The following CHRM3 variants were observed in gnomAD, a reference collection of about 807,000 sequenced individuals.
The protein encoded by CHRM3 is cholinergic receptor muscarinic 3, also known as muscarinic acetylcholine receptor M3.
A neutral mutation model predicts 41.8 loss-of-function variants in CHRM3; 11 were observed. The observed-to-expected ratio is 0.26, with a 90% CI of 0.17 to 0.44. CHRM3 has a LOEUF of 0.44. Ranked by LOEUF, CHRM3 falls within the 20% of genes least tolerant of loss-of-function variation. CHRM3 has a pLI of 1.00. For missense variants in CHRM3, 571 were observed against 745.4 expected (o/e 0.77, Z 2.72); for synonymous variants, 297 against 301.4 (o/e 0.99, Z 0.15).
At chr1:239,697,709 A>C (rs1660327229) in intron 5 of CHRM3, among the ~76,000 whole-genome samples, 1 of 152,148 alleles carries the variant, frequency 6.6e-6, no homozygotes, top group Non-Finnish European at 1.5e-5. Flanking sequence ...GAATTGCTCC[A>C]CTACTCCAAA....
At chr1:239,869,188 G>A (rs1437559508) in intron 6 of CHRM3, among the ~76,000 whole-genome samples, 3 of 152,108 alleles carry the variant, frequency 2.0e-5, no homozygotes, top group Non-Finnish European at 4.4e-5. Context: ...AAGGTGGGGA[G>A]CGCACCTGGG....
At chr1:239,439,996 G>A (rs992396355) in intron 1 of CHRM3, among the ~76,000 whole-genome samples, 3 of 151,214 alleles carry the variant, frequency 2.0e-5, no homozygotes, top group African/African-American at 7.3e-5. Context: ...TTAGGAGTTC[G>A]AGACTAGCCT....
chr1:239,728,970 C>G (rs544740762), intron 5 of CHRM3, among the ~76,000 whole-genome samples: 168 of 151,922 alleles, frequency 1.1e-3, no homozygotes, highest in African/African-American at 3.6e-3. Flanking sequence ...TTTTCCAGAC[C>G]CTTTCAGGGA....
intron 4 of CHRM3, among the ~76,000 whole-genome samples, chr1:239,638,867 G>T (rs1330186504): frequency 1.3e-5 from 2 of 152,098 alleles, no homozygotes; most frequent in African/African-American, 2.4e-5. Context: ...GTAATGCCTA[G>T]GTTTTCTTCT....
chr1:239,814,054 A>G (rs1012089683), intron 5 of CHRM3, among the ~76,000 whole-genome samples: 1 of 87,322 alleles, frequency 1.1e-5, no homozygotes, highest in African/African-American at 5.8e-5. Flanking sequence ...AAATAAATAA[A>G]TACATAAACT....
At chr1:239,505,770 A>G (rs1668525543) in intron 2 of CHRM3, among the ~76,000 whole-genome samples, 1 of 152,226 alleles carries the variant, frequency 6.6e-6, no homozygotes, top group South Asian at 2.1e-4. Context: ...AGAAGAAGAC[A>G]GGAAATTGTG....
At chr1:239,623,343 A>G (rs1173534219) in intron 3 of CHRM3, among the ~76,000 whole-genome samples, 3 of 144,098 alleles carry the variant, frequency 2.1e-5, no homozygotes. Flanking sequence ...GTTCCCACCT[A>G]TGAGTAAGAA....
In CHRM3 at chr1:239,669,894, T is replaced by A. The variant is rs114090377; in HGVS notation, c.-249-8292T>A. On this transcript the variant is annotated intron_variant, in intron 4 of 6. Coordinates refer to ENST00000676153, the MANE Select transcript of CHRM3 (RefSeq NM_001375978.1). ...AATATATGGCCATGGCCAACTCGTT[T>A]CTTTTACATGGCCCTCCTTTCCCAC... Among the ~76,000 whole-genome samples the A allele has an allele frequency of 4.1e-3, 620 of 152,346 alleles. 4 individuals are homozygous for A. The highest frequency in any genetic ancestry group is 0.014 in the African/African-American group (600 of 41,588).
chr1:239,685,935 A>G (rs1451679850), intron 5 of CHRM3, among the ~76,000 whole-genome samples: 2 of 152,098 alleles, frequency 1.3e-5, no homozygotes, highest in African/African-American at 2.4e-5. Context: ...TCTCAACTGA[A>G]TGATGGGCAA....
intron 2 of CHRM3, among the ~76,000 whole-genome samples, chr1:239,500,922 A>C (rs1668201347): frequency 6.6e-6 from 1 of 152,202 alleles, no homozygotes; most frequent in African/African-American, 2.4e-5. Context: ...TTAAAGTAAA[A>C]GGGTGCAAAA....
chr1:239,710,926 C>T (rs1309666743), intron 5 of CHRM3, among the ~76,000 whole-genome samples: 1 of 151,880 alleles, frequency 6.6e-6, no homozygotes, highest in African/African-American at 2.4e-5. Context: ...TCTTTCCCAG[C>T]TTCGTTTGGC....
intron 2 of CHRM3, among the ~76,000 whole-genome samples, chr1:239,493,731 C>T (rs1667702680): frequency 6.6e-6 from 1 of 152,138 alleles, no homozygotes; most frequent in South Asian, 2.1e-4. Context: ...TACTGATGCT[C>T]AGTTGAAGGC....
At chr1:239,460,319 C>T (rs1665262275) in intron 1 of CHRM3, among the ~76,000 whole-genome samples, 1 of 151,868 alleles carries the variant, frequency 6.6e-6, no homozygotes, top group African/African-American at 2.4e-5. Flanking sequence ...TTTTTTCCCC[C>T]ATCATAATTT....
chr1:239,682,072 T>G (rs1658623671), intron 5 of CHRM3, among the ~76,000 whole-genome samples: 1 of 152,190 alleles, frequency 6.6e-6, no homozygotes, highest in African/African-American at 2.4e-5. Context: ...TTAAGCTTCC[T>G]CTTAAATATT....
intron 5 of CHRM3, among the ~76,000 whole-genome samples, chr1:239,768,259 A>C (rs1338143438): frequency 6.6e-6 from 1 of 152,208 alleles, no homozygotes; most frequent in Non-Finnish European, 1.5e-5. Context: ...TCTTAGGATT[A>C]GCGTTCACTT....
chr1:239,441,673 A>G (rs1032065716), intron 1 of CHRM3, among the ~76,000 whole-genome samples: 1 of 152,212 alleles, frequency 6.6e-6, no homozygotes, highest in African/African-American at 2.4e-5. Flanking sequence ...ACCTGTGATA[A>G]AATAAGGCAC....
At chr1:239,589,582 G>T (rs1161737561) in intron 3 of CHRM3, among the ~76,000 whole-genome samples, 1 of 145,236 alleles carries the variant, frequency 6.9e-6, no homozygotes, top group Non-Finnish European at 1.5e-5. Flanking sequence ...CATGAACAGT[G>T]CTTGCAATTA....
At chr1:239,875,835 A>C (rs1404266081) in intron 6 of CHRM3, among the ~76,000 whole-genome samples, 1 of 152,218 alleles carries the variant, frequency 6.6e-6, no homozygotes, top group Non-Finnish European at 1.5e-5. Context: ...CATTTCTTCC[A>C]AGGCAATATC....
chr1:239,725,769 A>G (rs924246450), intron 5 of CHRM3, among the ~76,000 whole-genome samples: 2 of 151,954 alleles, frequency 1.3e-5, no homozygotes, highest in South Asian at 2.1e-4. Flanking sequence ...AACTATTTCA[A>G]AAAGGTAAAG....
Sources: allele counts gnomAD v4.1 joint callset (sites outside exome capture counted in the v4.1 genomes callset), GRCh38; gene constraint gnomAD v4.1.1; transcripts MANE v1.5; gene names NCBI Gene and HGNC (gene_info 2026-07-23, HGNC 2026-07-21).